MECOM: variants seen among roughly 807,000 people sequenced by gnomAD.
MECOM encodes the protein histone-lysine N-methyltransferase MECOM.
MECOM carries 13 observed loss-of-function variants against 116.3 expected under a neutral mutation model. The ratio of observed to expected loss-of-function variants is 0.11; its 90% CI spans 0.07 to 0.18. The LOEUF (loss-of-function observed/expected upper bound fraction) is 0.18, where lower values mean the gene tolerates loss of function less well. Among genes scored for constraint, MECOM ranks in the 10% least tolerant of loss-of-function variants. The pLI, the probability that MECOM is intolerant of heterozygous loss-of-function variation, is 1.00. For synonymous variants in MECOM, 528 were observed against 535.2 expected (o/e 0.99, Z 0.19); for missense variants, 1,299 against 1,509.0 (o/e 0.86, Z 2.31).
intron 1 of MECOM, among the ~76,000 whole-genome samples, chr3:169,512,077 G>A (rs1431287462): frequency 6.6e-6 from 1 of 152,138 alleles, no homozygotes; most frequent in Non-Finnish European, 1.5e-5. Flanking sequence ...GGCTTGTATT[G>A]TGCTAGGTCC....
At chr3:169,651,515 A>T (rs932463758) in intron 1 of MECOM, among the ~76,000 whole-genome samples, 4 of 152,146 alleles carry the variant, frequency 2.6e-5, no homozygotes, top group Middle Eastern at 3.2e-3. Flanking sequence ...GAGATTGGAG[A>T]CTATTATTCT....
intron 2 of MECOM, among the ~76,000 whole-genome samples, chr3:169,312,419 A>T (rs1310701826): frequency 7.8e-6 from 1 of 127,656 alleles, no homozygotes; most frequent in Non-Finnish European, 1.5e-5. Context: ...CCCAGGCTGG[A>T]GTGCAGTGGC....
intron 1 of MECOM, among the ~76,000 whole-genome samples, chr3:169,393,592 T>C (rs1734560373): frequency 6.6e-6 from 1 of 152,190 alleles, no homozygotes. Flanking sequence ...AATATTTTGC[T>C]GTCCACTTAT....
At chr3:169,584,401 T>TA (rs1765510382) in intron 1 of MECOM, among the ~76,000 whole-genome samples, 2 of 150,982 alleles carry the variant, frequency 1.3e-5, no homozygotes, top group African/African-American at 4.9e-5. Flanking sequence ...CCGTCTCTAC[T>TA]AAAAATACAA....
chr3:169,661,311 C>A (rs1294122129), intron 1 of MECOM, among the ~76,000 whole-genome samples: 19 of 142,848 alleles, frequency 1.3e-4, no homozygotes, highest in African/African-American at 1.2e-4. Context: ...CAACTCCCCC[C>A]CCCACACACA....
intron 1 of MECOM, among the ~76,000 whole-genome samples, chr3:169,468,220 T>C (rs1748631391): frequency 1.3e-5 from 2 of 152,156 alleles, no homozygotes; most frequent in Admixed American, 6.6e-5. Flanking sequence ...CTCCTTCCCA[T>C]GCCCTGATTC....
chr3:169,285,252 G>A (rs1265434106), intron 2 of MECOM, among the ~76,000 whole-genome samples: 3 of 152,154 alleles, frequency 2.0e-5, no homozygotes, highest in Non-Finnish European at 4.4e-5. Flanking sequence ...GACAATAACA[G>A]CTGAGCTGCA....
At chr3:169,503,538 A>G (rs1164226438) in intron 1 of MECOM, among the ~76,000 whole-genome samples, 1 of 152,234 alleles carries the variant, frequency 6.6e-6, no homozygotes, top group East Asian at 1.9e-4. Flanking sequence ...TTTTAGGTTT[A>G]CAAAGAAAAA....
At chr3:169,593,719 C>T (rs1426991127) in intron 1 of MECOM, among the ~76,000 whole-genome samples, 1 of 152,168 alleles carries the variant, frequency 6.6e-6, no homozygotes, top group African/African-American at 2.4e-5. Context: ...TAGGCAGATG[C>T]TGCTGGACTT....
chr3:169,311,533 G>A (rs951082849), intron 2 of MECOM, among the ~76,000 whole-genome samples: 1 of 152,138 alleles, frequency 6.6e-6, no homozygotes, highest in Non-Finnish European at 1.5e-5. Flanking sequence ...AATGGCACTA[G>A]AAACAATACC....
At chr3:169,140,107 A>C (rs1292959623) in intron 3 of MECOM, among the ~76,000 whole-genome samples, 1 of 151,856 alleles carries the variant, frequency 6.6e-6, no homozygotes, top group Non-Finnish European at 1.5e-5. Context: ...TTGAGGACCT[A>C]GTCTGGAAAG....
intron 1 of MECOM, among the ~76,000 whole-genome samples, chr3:169,549,690 A>AT (rs1349194269): frequency 6.6e-6 from 1 of 152,146 alleles, no homozygotes; most frequent in African/African-American, 2.4e-5. Flanking sequence ...ATTACATGTC[A>AT]TTTTTTAAGG....
chr3:169,614,284 A>G (rs1018777408), intron 1 of MECOM, among the ~76,000 whole-genome samples: 1 of 151,868 alleles, frequency 6.6e-6, no homozygotes, highest in African/African-American at 2.4e-5. Flanking sequence ...TGCCTGTCCA[A>G]AATTCCTCCC....
chr3:169,443,206 C>A (rs1289804453), intron 1 of MECOM, among the ~76,000 whole-genome samples: 1 of 152,178 alleles, frequency 6.6e-6, no homozygotes, highest in African/African-American at 2.4e-5. Context: ...CCAGTGGGGT[C>A]TCTTCCCTGT....
chr3:169,168,831 A>G (rs1743998571), intron 2 of MECOM, among the ~76,000 whole-genome samples: 1 of 152,044 alleles, frequency 6.6e-6, no homozygotes, highest in African/African-American at 2.4e-5. Flanking sequence ...ACATTATTTA[A>G]CATAAAGAAA....
chr3:169,411,026 G>A (rs545339215), intron 1 of MECOM, among the ~76,000 whole-genome samples: 43 of 152,142 alleles, frequency 2.8e-4, no homozygotes, highest in African/African-American at 8.4e-4. Flanking sequence ...TAGTAATCTT[G>A]TCTATCTCCA....
At chr3:169,660,360 T>G (rs1265812915) in intron 1 of MECOM, among the ~76,000 whole-genome samples, 1 of 152,194 alleles carries the variant, frequency 6.6e-6, no homozygotes, top group African/African-American at 2.4e-5. Context: ...TACAACGAAT[T>G]TATCGGTTTC....
At chr3:169,191,565 G>C (rs1747551365) in intron 2 of MECOM, among the ~76,000 whole-genome samples, 1 of 150,822 alleles carries the variant, frequency 6.6e-6, no homozygotes. Flanking sequence ...TAAGGAAAGA[G>C]TGAAGGTAGG....
At chr3:169,454,512 T>C (rs972757699) in intron 1 of MECOM, among the ~76,000 whole-genome samples, 1 of 152,138 alleles carries the variant, frequency 6.6e-6, no homozygotes, top group Non-Finnish European at 1.5e-5. Context: ...TGAGGTTTGC[T>C]TTGTGTCTTT....
Sources: gnomAD v4.1 joint callset for allele counts (sites outside exome capture counted in the v4.1 genomes callset) on GRCh38, gnomAD v4.1.1 for gene constraint, MANE v1.5 for transcripts, NCBI Gene and HGNC (gene_info 2026-07-23, HGNC 2026-07-21) for gene names.